ABCB5: variants seen among roughly 807,000 people sequenced by gnomAD.
ABCB5 encodes ATP binding cassette subfamily B member 5.
A neutral mutation model predicts 144.2 loss-of-function variants in ABCB5; 155 were observed. The observed-to-expected ratio is 1.08, with a 90% confidence interval of 0.94 to 1.23. The LOEUF is 1.23. Ranked by LOEUF, ABCB5 falls within the 50% of genes most tolerant of loss-of-function variation. The pLI is 0.00. For missense variants in ABCB5, 1,830 were observed against 1,520.8 expected (o/e 1.20, Z -3.38); for synonymous variants, 610 against 528.6 (o/e 1.15, Z -2.11).
intron 5 of ABCB5, among the ~76,000 whole-genome samples, chr7:20,640,928 A>G (rs12700225): frequency 2.0e-5 from 3 of 152,014 alleles, no homozygotes; most frequent in Non-Finnish European, 4.4e-5. Context: ...AGAGTCACTA[A>G]CAGTCCTTGG....
chr7:20,734,139 G>A (rs1782311005), intron 23 of ABCB5, among the ~76,000 whole-genome samples: 1 of 151,910 alleles, frequency 6.6e-6, no homozygotes, highest in Admixed American at 6.6e-5. Flanking sequence ...TGGTCCTAGA[G>A]ATCAAATGTG....
chr7:20,642,293 T>A (rs1314495157), intron 5 of ABCB5, among the ~76,000 whole-genome samples: 1 of 152,188 alleles, frequency 6.6e-6, no homozygotes, highest in Non-Finnish European at 1.5e-5. Flanking sequence ...GCTAAACAAC[T>A]TTTTTCTGAC....
At chr7:20,714,398 C>T (rs7781063) in intron 20 of ABCB5, among the ~76,000 whole-genome samples, 112,593 of 151,912 alleles carry the variant, frequency 0.74, 43,080 homozygotes, top group East Asian at 0.95. Flanking sequence ...TCTAAGAAAG[C>T]TTAATTAAAT....
intron 21 of ABCB5, 135 bp downstream of exon 21, chr7:20,723,354 A>G: frequency 2.2e-6 from 2 of 929,450 alleles, no homozygotes; most frequent in Non-Finnish European, 3.2e-6. Context: ...CTGTAAAGTG[A>G]TATGTATAGA....
At chr7:20,751,757 C>G (rs766667735) in intron 26 of ABCB5, among the ~76,000 whole-genome samples, 1 of 152,166 alleles carries the variant, frequency 6.6e-6, no homozygotes, top group Non-Finnish European at 1.5e-5. Flanking sequence ...GAACGGCAGA[C>G]ACAGTTTTAT....
At chr7:20,736,834 C>G (rs1410063863) in intron 23 of ABCB5, among the ~76,000 whole-genome samples, 1 of 150,956 alleles carries the variant, frequency 6.6e-6, no homozygotes, top group African/African-American at 2.4e-5. Flanking sequence ...CCAGTTTTTT[C>G]CATGTGTGGG....
chr7:20,728,461 T>A lies in ABCB5; in HGVS notation c.2867+6T>A. 6.2e-7 allele frequency: 1 copy of A among 1,613,892 alleles called. No homozygotes were observed. Among genetic ancestry groups the A allele is most frequent in the Non-Finnish European group, 8.5e-7 (1 of 1,179,864 alleles). On this transcript the variant is annotated splice_donor_region_variant and intron_variant, in intron 23 of 27. Transcript: ENST00000404938. Reference sequence around the variant, plus strand: ...ACCCCAGAGGGCATGTTCATGTAAGTCGTGGAAATAGTCCGGACCTGGTAG... The same window carrying A: ...ACCCCAGAGGGCATGTTCATGTAAGACGTGGAAATAGTCCGGACCTGGTAG...
At chr7:20,744,049 CT>C (rs1322163032) in intron 25 of ABCB5, among the ~76,000 whole-genome samples, 9 of 151,912 alleles carry the variant, frequency 5.9e-5, no homozygotes, top group African/African-American at 1.9e-4. Context: ...TTTTGGGGGG[CT>C]TTTGTACGTT....
chr7:20,708,785 A>G lies in ABCB5; in HGVS notation c.2421+3978A>G, dbSNP rs564065238. Among the ~76,000 whole-genome samples, 11 of 152,356 alleles carry G rather than the reference A, an allele frequency of 7.2e-5. No individual in the cohort carries two copies. In the East Asian group the frequency reaches 2.1e-3, roughly 29 times the overall value. ...GCCTTAAACACTTTACATTTTCACA[A>G]GCTTTGTAAATTTGTCCAACCAAGG... On this transcript the variant is annotated intron_variant, in intron 20 of 27. Coordinates refer to ENST00000404938, the MANE Select transcript of ABCB5 (RefSeq NM_001163941.2).
At chr7:20,648,660 A>G (rs1784488250) in intron 11 of ABCB5, among the ~76,000 whole-genome samples, 1 of 152,208 alleles carries the variant, frequency 6.6e-6, no homozygotes, top group South Asian at 2.1e-4. Context: ...GTTGTTAAAG[A>G]TTGCACAAGG....
At chr7:20,687,584 C>G (rs559962568) in intron 16 of ABCB5, among the ~76,000 whole-genome samples, 1 of 152,160 alleles carries the variant, frequency 6.6e-6, no homozygotes, top group South Asian at 2.1e-4. Context: ...ATCCGTGAGC[C>G]TGGGGAAGCA....
chr7:20,728,456 G>T lies in ABCB5; in HGVS notation c.2867+1G>T, dbSNP rs1782108423. On this transcript the variant is annotated splice_donor_variant, in intron 23 of 27. Coordinates refer to ENST00000404938, the MANE Select transcript of ABCB5 (RefSeq NM_001163941.2). LOFTEE classifies it high-confidence loss of function. Reference sequence around the variant, plus strand: ...GAATGACCCCAGAGGGCATGTTCATGTAAGTCGTGGAAATAGTCCGGACCT... The same window carrying T: ...GAATGACCCCAGAGGGCATGTTCATTTAAGTCGTGGAAATAGTCCGGACCT... 6.2e-7 allele frequency: 1 copy of T among 1,613,878 alleles called. No homozygotes were observed. Among genetic ancestry groups the T allele is most frequent in the East Asian group, 2.2e-5 (1 of 44,866 alleles).
intron 5 of ABCB5, among the ~76,000 whole-genome samples, chr7:20,641,048 A>G (rs1784284869): frequency 6.6e-6 from 1 of 151,988 alleles, no homozygotes; most frequent in Non-Finnish European, 1.5e-5. Flanking sequence ...TCAAATCCAC[A>G]TCCCCAGCCT....
chr7:20,639,592 T>A (rs1477507855), intron 5 of ABCB5, among the ~76,000 whole-genome samples: 3 of 152,220 alleles, frequency 2.0e-5, no homozygotes, highest in Non-Finnish European at 4.4e-5. Flanking sequence ...GAACCATTTG[T>A]TGAAAAAACA....
chr7:20,626,099 G>A (rs1404100785), intron 2 of ABCB5, among the ~76,000 whole-genome samples: 2 of 152,174 alleles, frequency 1.3e-5, no homozygotes, highest in Non-Finnish European at 2.9e-5. Flanking sequence ...TTTCTGAGGT[G>A]CCCAGAGCAG....
intron 20 of ABCB5, among the ~76,000 whole-genome samples, chr7:20,719,738 G>T (rs898679840): frequency 1.3e-5 from 2 of 152,136 alleles, no homozygotes; most frequent in African/African-American, 4.8e-5. Flanking sequence ...CCCATGGAGA[G>T]ATTAATCACA....
Position 20,681,572 on chromosome 7 carries a change from T to C in ABCB5, c.1775T>C (p.Ile592Thr), listed in dbSNP as rs1562559698. Residue 592 changes from isoleucine (I) to threonine (T), a missense_variant, in exon 15 of 28, where the codon ATT becomes ACT. Physicochemically the swap from Ile to Thr is moderately conservative, Grantham distance 89. Transcript: ENST00000404938. Reference protein sequence around the residue: ...RLSTIRSADLIVTLKDGMLAE... With the variant: ...RLSTIRSADLTVTLKDGMLAE... The stretch of plus-strand genomic sequence containing the variant: ...TCTACTATTCGAAGTGCAGATTTGA[T>C]TGTGACCCTAAAGGATGGAATGCTG... 6 of 1,614,032 alleles carry C rather than the reference T, an allele frequency of 3.7e-6. No homozygotes were observed. The highest frequency in any genetic ancestry group is 2.2e-5 in the East Asian group (1 of 44,870).
At position 20,645,999 on chromosome 7, in the gene ABCB5, T is replaced by G. The variant is rs755827534; in HGVS notation, c.842T>G (p.Ile281Arg). Residue 281 changes from isoleucine to arginine, a missense_variant, in exon 9 of 28, where the codon ATA (isoleucine) becomes AGA (arginine). Physicochemically the swap from Ile to Arg is moderately conservative, Grantham distance 97. Coordinates refer to ENST00000404938, the MANE Select transcript of ABCB5 (RefSeq NM_001163941.2). ...QNLKDAKDFG[I>R]KRTIASKVSL... ...CTCAAAGATGCAAAGGATTTTGGCATAAAAAGGACTATAGCTTCAAAAGTG... is the reference window on the plus strand; with the variant it reads ...CTCAAAGATGCAAAGGATTTTGGCAGAAAAAGGACTATAGCTTCAAAAGTG... 6.8e-6 allele frequency: 11 copies of G among 1,613,670 alleles called. No individual in the cohort carries two copies. The Admixed American group carries it at 1.5e-4, about 22-fold the overall frequency.
intron 26 of ABCB5, among the ~76,000 whole-genome samples, chr7:20,752,581 G>A (rs1298713949): frequency 2.0e-5 from 3 of 152,232 alleles, no homozygotes; most frequent in Non-Finnish European, 4.4e-5. Context: ...AGGCGCGGTA[G>A]CTCACGCCTG....
Sources: gnomAD v4.1 joint callset for allele counts (sites outside exome capture counted in the v4.1 genomes callset) on GRCh38, gnomAD v4.1.1 for gene constraint, MANE v1.5 for transcripts, NCBI Gene and HGNC (gene_info 2026-07-23, HGNC 2026-07-21) for gene names.